The following VRK2 variants were observed in gnomAD, a reference collection of about 807,000 sequenced individuals.
VRK2 encodes serine/threonine-protein kinase VRK2.
VRK2 carries 60 observed loss-of-function variants against 57.6 expected under a neutral mutation model. That is an observed-to-expected ratio of 1.04 (90% CI 0.85 to 1.29). The LOEUF is 1.29. VRK2 is among the 50% of genes most tolerant of loss of function. The pLI is 0.00. For missense variants in VRK2, 705 were observed against 588.1 expected, an observed-to-expected ratio of 1.20 and a Z score of -2.06; for synonymous variants, 231 against 199.2, an observed-to-expected ratio of 1.16 and a Z score of -1.35.
chr2:58,079,579 T>G (rs180929559), intron 2 of VRK2, among the ~76,000 whole-genome samples: 2 of 152,228 alleles, frequency 1.3e-5, no homozygotes, highest in East Asian at 3.9e-4. Flanking sequence ...TTTATTTACT[T>G]AAATCAGTAG....
intron 11 of VRK2, among the ~76,000 whole-genome samples, chr2:58,144,420 G>A (rs764941889): frequency 5.3e-5 from 8 of 151,956 alleles, no homozygotes; most frequent in East Asian, 1.9e-4. Flanking sequence ...GGTGACTAAC[G>A]TGAGGTGATG....
chr2:58,073,936 C>A (rs1006126166), intron 2 of VRK2, among the ~76,000 whole-genome samples: 2 of 151,950 alleles, frequency 1.3e-5, no homozygotes, highest in Non-Finnish European at 1.5e-5. Flanking sequence ...TTGGGCCCAC[C>A]CAGATTAAGG....
At chr2:58,005,803 T>G (rs1421179439) in intron 1 of VRK2, among the ~76,000 whole-genome samples, 1 of 152,078 alleles carries the variant, frequency 6.6e-6, no homozygotes, top group Non-Finnish European at 1.5e-5. Context: ...CTAGGGACAT[T>G]AAACTCCTAA....
chr2:57,977,698 A>G lies in VRK2; in HGVS notation c.-438-47967A>G, dbSNP rs556321029. On this transcript the variant is annotated intron_variant, in intron 1 of 15. Coordinates refer to the VRK2 transcript ENST00000417641. ...TTTGACTTCCACTCTTCCTATTTGA[A>G]TGCCTTTTATTTCTTTTTCTTGCCT... Among the ~76,000 whole-genome samples the G allele has an allele frequency of 6.6e-5, 10 of 151,336 alleles. No individual in the cohort carries two copies. The South Asian group carries it at 2.1e-3, about 31-fold the overall frequency.
chr2:58,036,723 C>T (rs908181846), intron 3 of VRK2, among the ~76,000 whole-genome samples: 10 of 151,924 alleles, frequency 6.6e-5, no homozygotes, highest in African/African-American at 1.7e-4. Context: ...GTGTGGTTAT[C>T]ACACACAAGT....
intron 7 of VRK2, among the ~76,000 whole-genome samples, chr2:58,116,462 C>G (rs1440043535): frequency 1.3e-5 from 2 of 151,902 alleles, no homozygotes; most frequent in African/African-American, 4.8e-5. Flanking sequence ...TAAGTTGGCA[C>G]CAGAGTTGGG....
At chr2:57,942,594 C>T (rs994346267) in intron 1 of VRK2, among the ~76,000 whole-genome samples, 3 of 151,580 alleles carry the variant, frequency 2.0e-5, no homozygotes, top group Non-Finnish European at 4.4e-5. Flanking sequence ...ACGTGTGTGC[C>T]TGTGTGTATG....
intron 1 of VRK2, among the ~76,000 whole-genome samples, chr2:57,964,498 C>T (rs1418816302): frequency 6.6e-6 from 1 of 151,822 alleles, no homozygotes; most frequent in Non-Finnish European, 1.5e-5. Context: ...ACACTCACAG[C>T]AATTTGTATT....
At chr2:58,091,112 T>C (rs559354010) in intron 7 of VRK2, among the ~76,000 whole-genome samples, 5 of 152,324 alleles carry the variant, frequency 3.3e-5, no homozygotes, top group Non-Finnish European at 7.3e-5. Flanking sequence ...AGTGAAACTA[T>C]TCTGCATGAT....
intron 1 of VRK2, among the ~76,000 whole-genome samples, chr2:58,016,335 G>T (rs1160261120): frequency 6.6e-6 from 1 of 151,220 alleles, no homozygotes; most frequent in Non-Finnish European, 1.5e-5. Context: ...ATTCTCCATT[G>T]TATGTTTTAA....
chr2:58,131,081 A>C (rs1679126838), intron 8 of VRK2, among the ~76,000 whole-genome samples: 3 of 151,944 alleles, frequency 2.0e-5, no homozygotes. Context: ...ATCTTATTCT[A>C]AATTTTGAAG....
At chr2:57,983,822 T>A (rs1672507449) in intron 1 of VRK2, among the ~76,000 whole-genome samples, 1 of 152,208 alleles carries the variant, frequency 6.6e-6, no homozygotes, top group African/African-American at 2.4e-5. Context: ...AATATTAAAG[T>A]CAGTTAGAAA....
At chr2:57,977,373 T>C (rs1015712930) in intron 1 of VRK2, among the ~76,000 whole-genome samples, 3 of 152,178 alleles carry the variant, frequency 2.0e-5, no homozygotes, top group African/African-American at 7.2e-5. Flanking sequence ...TTTCATTTAT[T>C]TGTGTAGTCC....
At chr2:58,119,508 C>G (rs1023662873) in intron 7 of VRK2, among the ~76,000 whole-genome samples, 1 of 150,112 alleles carries the variant, frequency 6.7e-6, no homozygotes, top group African/African-American at 2.4e-5. Flanking sequence ...TTTAGCATGC[C>G]AAAGTGCTGT....
intron 8 of VRK2, among the ~76,000 whole-genome samples, chr2:58,130,439 T>G (rs1031863078): frequency 7.2e-5 from 11 of 152,180 alleles, no homozygotes; most frequent in Non-Finnish European, 4.4e-5. Context: ...AGGACATTGT[T>G]GAAGCTTGTG....
At chr2:58,119,918 G>GC (rs1216157374) in intron 7 of VRK2, among the ~76,000 whole-genome samples, 1 of 151,792 alleles carries the variant, frequency 6.6e-6, no homozygotes, top group Non-Finnish European at 1.5e-5. Context: ...TCTCAACTCT[G>GC]CTGTTTTCTT....
In VRK2 at chr2:58,111,789, G is replaced by GA. The variant is rs922691076; in HGVS notation, c.544-11303dup. 7.3e-4 allele frequency among the ~76,000 whole-genome samples: 109 copies of GA among 148,364 alleles called. 1 individual carries two copies. The East Asian group carries it at 0.018, about 24-fold the overall frequency. On this transcript the variant is annotated intron_variant, in intron 7 of 12. Transcript: ENST00000340157. ...TTAGCCGTTTGTTTTTGATTTCACA[G>GA]AAAAAAAAAGGTAATATATAAAAAA...
chr2:58,038,519 G>A (rs1674345360), intron 3 of VRK2, among the ~76,000 whole-genome samples: 1 of 152,066 alleles, frequency 6.6e-6, no homozygotes, highest in Admixed American at 6.6e-5. Context: ...ATTTGTAAAG[G>A]TGTTTTTCTC....
intron 1 of VRK2, among the ~76,000 whole-genome samples, chr2:57,969,880 G>C (rs574978686): frequency 3.9e-5 from 6 of 152,050 alleles, no homozygotes; most frequent in Admixed American, 3.3e-4. Context: ...CATGTTTTCT[G>C]TCCATATGCC....
Sources: allele counts gnomAD v4.1 joint callset (sites outside exome capture counted in the v4.1 genomes callset), GRCh38; gene constraint gnomAD v4.1.1; transcripts MANE v1.5; gene names NCBI Gene and HGNC (gene_info 2026-07-23, HGNC 2026-07-21).